The following IL1RAPL1 variants were observed in gnomAD, a reference collection of about 807,000 sequenced individuals.
The protein encoded by IL1RAPL1 is interleukin 1 receptor accessory protein like 1, also known as interleukin-1 receptor accessory protein-like 1.
Under a neutral mutation model 48.4 loss-of-function variants are expected in IL1RAPL1, and 3 were observed. The ratio of observed to expected loss-of-function variants is 0.06; its 90% CI spans 0.03 to 0.16. The LOEUF (loss-of-function observed/expected upper bound fraction) is 0.16. IL1RAPL1 is among the 10% of genes least tolerant of loss of function. The probability of loss-of-function intolerance (pLI) is 1.00; values close to 1 mark genes in which losing one functional copy is unlikely to be tolerated. For synonymous variants in IL1RAPL1, 185 were observed against 187.7 expected (o/e 0.99, Z 0.12); for missense variants, 349 against 530.6 (o/e 0.66, Z 3.36).
chrX:29,897,940 A>G (rs933665164), intron 6 of IL1RAPL1, among the ~76,000 whole-genome samples: 1 of 111,993 alleles, frequency 8.9e-6, no homozygotes, highest in African/African-American at 3.2e-5. Flanking sequence ...ATATATGGTG[A>G]TATTTTAAGG....
At chrX:28,636,471 G>GCAA (rs1366299279) in intron 1 of IL1RAPL1, among the ~76,000 whole-genome samples, 1 of 111,366 alleles carries the variant, frequency 9.0e-6, no homozygotes, top group Non-Finnish European at 1.9e-5. Context: ...TCCAAGGCAG[G>GCAA]CAACTGTGTC....
chrX:29,765,893 A>C (rs1378499434), intron 6 of IL1RAPL1, among the ~76,000 whole-genome samples: 1 of 111,031 alleles, frequency 9.0e-6, no homozygotes, highest in Non-Finnish European at 1.9e-5. Flanking sequence ...CTGGCGACTC[A>C]TACTACATAT....
intron 2 of IL1RAPL1, among the ~76,000 whole-genome samples, chrX:29,014,407 T>A (rs1473930357): frequency 1.8e-5 from 2 of 111,751 alleles, no homozygotes; most frequent in African/African-American, 6.5e-5. Context: ...CTAGGGTGTG[T>A]GTGTGCACAC....
At chrX:28,858,249 A>G (rs1468407700) in intron 2 of IL1RAPL1, among the ~76,000 whole-genome samples, 1 of 112,440 alleles carries the variant, frequency 8.9e-6, no homozygotes, top group Non-Finnish European at 1.9e-5. Context: ...CGCCATGAAC[A>G]TTGTTGAAAT....
intron 2 of IL1RAPL1, among the ~76,000 whole-genome samples, chrX:29,150,905 G>A (rs1162230875): frequency 1.0e-5 from 1 of 97,095 alleles, no homozygotes; most frequent in Non-Finnish European, 2.0e-5. Flanking sequence ...CTGGGTGACA[G>A]AGCAAGACTC....
intron 2 of IL1RAPL1, among the ~76,000 whole-genome samples, chrX:29,174,187 G>A (rs5985968): frequency 0.32 from 35,234 of 109,968 alleles, 4,289 homozygotes; most frequent in East Asian, 0.55. Context: ...GCCTCCCAAA[G>A]TGCTGGGATT....
chrX:29,806,001 G>C (rs1267370717), intron 6 of IL1RAPL1, among the ~76,000 whole-genome samples: 2 of 108,355 alleles, frequency 1.8e-5, no homozygotes, highest in Non-Finnish European at 3.8e-5. Flanking sequence ...GAGAGGGATG[G>C]AGGCAGGGAG....
chrX:29,458,870 C>T (rs1454582544), intron 5 of IL1RAPL1, among the ~76,000 whole-genome samples: 3 of 110,834 alleles, frequency 2.7e-5, no homozygotes, highest in Admixed American at 9.6e-5. Context: ...AACTTTTTTA[C>T]GTAAAGGGCT....
At chrX:29,615,864 A>G (rs1205482194) in intron 5 of IL1RAPL1, among the ~76,000 whole-genome samples, 1 of 111,594 alleles carries the variant, frequency 9.0e-6, no homozygotes, top group Non-Finnish European at 1.9e-5. Context: ...TTGTTCTGAG[A>G]GAGTTCTTGA....
chrX:29,246,444 C>A (rs1412395327), intron 2 of IL1RAPL1, among the ~76,000 whole-genome samples: 1 of 110,406 alleles, frequency 9.1e-6, no homozygotes, highest in Admixed American at 9.7e-5. Flanking sequence ...CAAATTACCA[C>A]CATGCTGCCT....
intron 1 of IL1RAPL1, among the ~76,000 whole-genome samples, chrX:28,628,704 A>G (rs1189428617): frequency 6.2e-5 from 7 of 112,126 alleles, no homozygotes; most frequent in Non-Finnish European, 1.1e-4. Context: ...AAATGCATGA[A>G]ACTGCACTAA....
intron 1 of IL1RAPL1, among the ~76,000 whole-genome samples, chrX:28,626,305 TAAAG>T (rs1327957193): frequency 1.8e-5 from 2 of 112,551 alleles, no homozygotes; most frequent in African/African-American, 3.2e-5. Context: ...ATTTTAAACA[TAAAG>T]AAAAGCTAGA....
chrX:29,776,334 T>A (rs1929197288), intron 6 of IL1RAPL1, among the ~76,000 whole-genome samples: 1 of 111,170 alleles, frequency 9.0e-6, no homozygotes, highest in African/African-American at 3.3e-5. Flanking sequence ...TAATCATCAG[T>A]CACAATTTGT....
chrX:29,348,832 G>A (rs1304013596), intron 3 of IL1RAPL1, among the ~76,000 whole-genome samples: 1 of 111,704 alleles, frequency 9.0e-6, no homozygotes, highest in African/African-American at 3.3e-5. Flanking sequence ...ATCTCAAAAT[G>A]GGAGAGGGGA....
chrX:28,669,669 T>C (rs955471557), intron 1 of IL1RAPL1, among the ~76,000 whole-genome samples: 3 of 103,729 alleles, frequency 2.9e-5, no homozygotes, highest in African/African-American at 1.0e-4. Context: ...ATTATTTATA[T>C]AATTTATAAT....
At chrX:28,744,181 T>A (rs1280689670) in intron 1 of IL1RAPL1, among the ~76,000 whole-genome samples, 1 of 111,482 alleles carries the variant, frequency 9.0e-6, no homozygotes, top group Non-Finnish European at 1.9e-5. Context: ...TATACGTTCC[T>A]GAAGGGTAAA....
intron 2 of IL1RAPL1, among the ~76,000 whole-genome samples, chrX:28,872,335 T>C (rs1005433617): frequency 8.0e-5 from 9 of 112,074 alleles, no homozygotes; most frequent in African/African-American, 2.9e-4. Context: ...CAATTATTAA[T>C]AGAATCTTCC....
chrX:28,960,261 C>A (rs1310343377), intron 2 of IL1RAPL1, among the ~76,000 whole-genome samples: 1 of 111,514 alleles, frequency 9.0e-6, no homozygotes, highest in Non-Finnish European at 1.9e-5. Flanking sequence ...ACTTCATTAT[C>A]ATGACGTCAT....
chrX:28,703,999 T>C lies in IL1RAPL1; in HGVS notation c.-24-85321T>C, dbSNP rs1423692365. Among the ~76,000 whole-genome samples the C allele has an allele frequency of 4.5e-5, 5 of 111,882 alleles. No homozygotes were observed. In the Admixed American group the frequency reaches 4.8e-4, roughly 11 times the overall value. ...GTAGAGGCTGTGAAGCCTTACCTAA[T>C]AGCAAAAGTGGGGAAATGGAGTATA... is the stretch of plus-strand genomic sequence containing the variant. On this transcript the variant is annotated intron_variant, in intron 1 of 10. Transcript: ENST00000378993.
Sources: gnomAD v4.1 joint callset for allele counts (sites outside exome capture counted in the v4.1 genomes callset) on GRCh38, gnomAD v4.1.1 for gene constraint, MANE v1.5 for transcripts, NCBI Gene and HGNC (gene_info 2026-07-23, HGNC 2026-07-21) for gene names.